RBFOX1: variants seen among roughly 807,000 people sequenced by gnomAD.
RBFOX1 encodes RNA binding fox-1 homolog 1.
Under a neutral mutation model 57.7 loss-of-function variants are expected in RBFOX1, and 8 were observed. That is an observed-to-expected ratio of 0.14 (90% CI 0.08 to 0.25). The LOEUF is 0.25. Among genes scored for constraint, RBFOX1 ranks in the 10% least tolerant of loss-of-function variants. The probability of loss-of-function intolerance (pLI) is 1.00; values close to 1 mark genes in which losing one functional copy is unlikely to be tolerated. For missense variants in RBFOX1, 611 were observed against 548.5 expected, an observed-to-expected ratio of 1.11 and a Z score of -1.14; for synonymous variants, 326 against 222.4, an observed-to-expected ratio of 1.47 and a Z score of -4.15.
intron 2 of RBFOX1, among the ~76,000 whole-genome samples, chr16:6,400,017 G>C (rs925981573): frequency 5.3e-5 from 8 of 152,156 alleles, no homozygotes; most frequent in African/African-American, 1.7e-4. Context: ...CAACATGTGA[G>C]GATTATGAGA....
rs149074661 is a variant in RBFOX1 at position 6,843,566 on chromosome 16, G to A, written c.-16+188916G>A. On this transcript the variant is annotated intron_variant, in intron 3 of 15. Transcript: ENST00000550418. ...TATCTAGGCATGGTGGCGGGCACCT[G>A]TAGTCCCAGCTACTCAGGACGTTGA... Among the ~76,000 whole-genome samples, 898 of 152,164 alleles carry A rather than the reference G, an allele frequency of 5.9e-3. 11 individuals are homozygous for A. Among genetic ancestry groups the A allele is most frequent in the African/African-American group, 0.02 (815 of 41,502 alleles).
chr16:7,158,587 G>A (rs1398867080), intron 4 of RBFOX1, among the ~76,000 whole-genome samples: 1 of 152,058 alleles, frequency 6.6e-6, no homozygotes, highest in Non-Finnish European at 1.5e-5. Flanking sequence ...TGGTGTGTAT[G>A]TGCCTGTGTC....
At chr16:7,398,653 A>G (rs565539648) in intron 4 of RBFOX1, among the ~76,000 whole-genome samples, 37 of 152,306 alleles carry the variant, frequency 2.4e-4, no homozygotes, top group Non-Finnish European at 1.5e-4. Context: ...CAGAGAGGCA[A>G]TTTTGAGCTT....
intron 11 of RBFOX1, among the ~76,000 whole-genome samples, chr16:7,641,209 T>C (rs2062733635): frequency 6.6e-6 from 1 of 152,204 alleles, no homozygotes; most frequent in African/African-American, 2.4e-5. Context: ...TGTCCAACCA[T>C]AGAGGTGGCT....
intron 3 of RBFOX1, among the ~76,000 whole-genome samples, chr16:6,694,602 A>C (rs1023310454): frequency 6.6e-6 from 1 of 152,082 alleles, no homozygotes; most frequent in Non-Finnish European, 1.5e-5. Context: ...ACTCAGTCTC[A>C]TGTTTGCCAT....
chr16:7,258,249 C>T lies in RBFOX1; in HGVS notation c.27+206151C>T, dbSNP rs150017968. On this transcript the variant is annotated intron_variant, in intron 4 of 15. Transcript: ENST00000550418. ...AAAGATCTTAAATGCATTTTCAGTT[C>T]AGTGTCCTTCTTATTAATTATTCTA... Among the ~76,000 whole-genome samples the T allele has an allele frequency of 6.2e-3, 940 of 152,266 alleles. 2 individuals carry two copies. The highest frequency in any genetic ancestry group is 0.017 in the Middle Eastern group (5 of 294).
At chr16:7,524,394 T>G (rs2078209955) in intron 5 of RBFOX1, among the ~76,000 whole-genome samples, 1 of 152,216 alleles carries the variant, frequency 6.6e-6, no homozygotes, top group Admixed American at 6.6e-5. Context: ...TGAATTTCTA[T>G]TTCATGTAGG....
intron 2 of RBFOX1, among the ~76,000 whole-genome samples, chr16:6,494,363 C>G (rs723135): frequency 0.13 from 20,065 of 152,176 alleles, 2,070 homozygotes; most frequent in East Asian, 0.43. Context: ...CCACAGCTAT[C>G]TCTCGCGACC....
chr16:5,487,127 A>C (rs1428943476), intron 2 of RBFOX1, among the ~76,000 whole-genome samples: 8 of 152,162 alleles, frequency 5.3e-5, no homozygotes, highest in Admixed American at 5.2e-4. Flanking sequence ...AGTTCTCCAG[A>C]CAATGTCCAC....
chr16:6,927,900 T>G (rs2075890825), intron 3 of RBFOX1, among the ~76,000 whole-genome samples: 1 of 152,194 alleles, frequency 6.6e-6, no homozygotes, highest in Admixed American at 6.5e-5. Flanking sequence ...ACGCTAAACA[T>G]CATCTAAACA....
At chr16:6,244,762 C>T (rs2097559930) in intron 1 of RBFOX1, among the ~76,000 whole-genome samples, 1 of 152,176 alleles carries the variant, frequency 6.6e-6, no homozygotes, top group African/African-American at 2.4e-5. Flanking sequence ...CCTTCCTTGA[C>T]CTCCCAAAGT....
chr16:7,663,125 A>G (rs750409307), intron 12 of RBFOX1, among the ~76,000 whole-genome samples: 2 of 152,218 alleles, frequency 1.3e-5, no homozygotes, highest in East Asian at 1.9e-4. Flanking sequence ...CCCAAACTAA[A>G]TATCTGTTGC....
rs375643383 is a variant in RBFOX1, at chr16:7,644,594, A to G, written c.758-9221A>G. On this transcript the variant is annotated intron_variant, in intron 11 of 15. Transcript: ENST00000550418. ...CATTTTCTTTCGTAACTGTAGGACT[A>G]TGGCATTCCGAGTTCATCACACACC... Among the ~76,000 whole-genome samples, 4 of 152,286 alleles carry G rather than the reference A, an allele frequency of 2.6e-5. No homozygotes were observed. The East Asian group carries it at 5.8e-4, about 22-fold the overall frequency.
intron 4 of RBFOX1, among the ~76,000 whole-genome samples, chr16:7,155,189 C>G (rs1370194656): frequency 6.6e-6 from 1 of 152,060 alleles, no homozygotes; most frequent in African/African-American, 2.4e-5. Flanking sequence ...ATTTTAAAAT[C>G]AAGCTGAAAC....
intron 3 of RBFOX1, among the ~76,000 whole-genome samples, chr16:5,742,490 A>G (rs1267363067): frequency 6.6e-6 from 1 of 152,188 alleles, no homozygotes; most frequent in African/African-American, 2.4e-5. Context: ...GGAGGCTTCT[A>G]CACTGGGAAG....
chr16:5,677,687 G>C (rs944766399), intron 3 of RBFOX1, among the ~76,000 whole-genome samples: 45 of 152,182 alleles, frequency 3.0e-4, no homozygotes, highest in African/African-American at 1.0e-3. Flanking sequence ...TTGTTATAGG[G>C]TCCTTCTATC....
intron 4 of RBFOX1, among the ~76,000 whole-genome samples, chr16:7,455,378 A>C (rs2058289573): frequency 6.6e-6 from 1 of 152,182 alleles, no homozygotes; most frequent in Non-Finnish European, 1.5e-5. Flanking sequence ...CACATGCATG[A>C]TAGGTTTCTA....
intron 4 of RBFOX1, among the ~76,000 whole-genome samples, chr16:7,248,273 A>C (rs1047596885): frequency 1.3e-5 from 2 of 152,168 alleles, no homozygotes; most frequent in Non-Finnish European, 2.9e-5. Context: ...CGGCTTTGCA[A>C]ATTCTTGCTG....
At chr16:6,708,839 T>C (rs1194415693) in intron 3 of RBFOX1, among the ~76,000 whole-genome samples, 1 of 152,130 alleles carries the variant, frequency 6.6e-6, no homozygotes, top group African/African-American at 2.4e-5. Context: ...AAATGATGAG[T>C]AAGAAATTGT....
Sources: gnomAD v4.1 joint callset for allele counts (sites outside exome capture counted in the v4.1 genomes callset) on GRCh38, gnomAD v4.1.1 for gene constraint, MANE v1.5 for transcripts, NCBI Gene and HGNC (gene_info 2026-07-23, HGNC 2026-07-21) for gene names.